SLC39A11: variants seen among roughly 807,000 people sequenced by gnomAD.
SLC39A11 encodes the protein solute carrier family 39 member 11, also known as zinc transporter ZIP11.
Under a neutral mutation model 36.1 loss-of-function variants are expected in SLC39A11, and 33 were observed. The ratio of observed to expected loss-of-function variants is 0.91; its 90% CI spans 0.69 to 1.22. SLC39A11 has a LOEUF of 1.22. Among genes scored for constraint, SLC39A11 ranks in the 50% most tolerant of loss-of-function variants. The pLI is 0.00. For missense variants in SLC39A11, 432 were observed against 430.3 expected (o/e 1.00, Z -0.03); for synonymous variants, 166 against 170.3 (o/e 0.97, Z 0.20).
intron 9 of SLC39A11, 76 bp downstream of exon 9, chr17:72,648,727 A>G: frequency 1.3e-6 from 2 of 1,565,828 alleles, no homozygotes; most frequent in Non-Finnish European, 1.7e-6. Context: ...AGGCAAATGA[A>G]GAAAGAGCAT....
rs1198234986 is a variant in SLC39A11 at position 72,732,227 on chromosome 17, C to G, written c.671+4423G>C. ...GGATGGGAGGGTTTTGTAGGCCAAG[C>G]CGGTCTTGAATTCCCGACCTCGAGG... On this transcript the variant is annotated intron_variant, in intron 7 of 9. Transcript: ENST00000255559. Among the ~76,000 whole-genome samples the G allele has an allele frequency of 2.6e-5, 4 of 151,448 alleles. No homozygotes were observed. The East Asian group carries it at 7.8e-4, about 29-fold the overall frequency.
chr17:72,784,213 C>T (rs147814781), intron 6 of SLC39A11, among the ~76,000 whole-genome samples: 141 of 152,148 alleles, frequency 9.3e-4, no homozygotes, highest in African/African-American at 3.0e-3. Context: ...GGCATGGTGG[C>T]GCATGCCTGT....
At chr17:72,738,244 T>C (rs2074519988) in intron 6 of SLC39A11, among the ~76,000 whole-genome samples, 2 of 152,184 alleles carry the variant, frequency 1.3e-5, no homozygotes, top group Admixed American at 6.5e-5. Context: ...GACCTCGTGA[T>C]CCACCCATCT....
chr17:72,699,623 A>G (rs2072508613), intron 7 of SLC39A11, among the ~76,000 whole-genome samples: 1 of 151,920 alleles, frequency 6.6e-6, no homozygotes, highest in South Asian at 2.1e-4. Flanking sequence ...AGTTTAATCC[A>G]CTCCTTGCCT....
intron 7 of SLC39A11, among the ~76,000 whole-genome samples, chr17:72,698,332 G>C (rs2072415780): frequency 6.6e-6 from 1 of 152,052 alleles, no homozygotes; most frequent in African/African-American, 2.4e-5. Context: ...ACCGTTTATT[G>C]CATTTTCAGT....
At chr17:72,729,452 TATA>T (rs2074120881) in intron 7 of SLC39A11, among the ~76,000 whole-genome samples, 2 of 10,002 alleles carry the variant, frequency 2.0e-4, no homozygotes, top group Admixed American at 1.6e-3. Context: ...TATATATATA[TATA>T]TATTTTTTTT....
rs369227943 is a variant in SLC39A11, at chr17:72,891,691, C to A, written c.431-41887G>T. On this transcript the variant is annotated intron_variant, in intron 5 of 9. Coordinates refer to ENST00000255559, the MANE Select transcript of SLC39A11 (RefSeq NM_139177.4). ...GTTTTAAACCTACTTGGCATTATTA[C>A]ACATATAGATATAGATATATATTAA... Among the ~76,000 whole-genome samples, 21 of 152,076 alleles carry A rather than the reference C, an allele frequency of 1.4e-4. No individual in the cohort carries two copies. In the East Asian group the frequency reaches 2.9e-3, roughly 21 times the overall value.
chr17:72,688,529 T>C (rs1381302126), intron 7 of SLC39A11, among the ~76,000 whole-genome samples: 1 of 152,174 alleles, frequency 6.6e-6, no homozygotes, highest in Non-Finnish European at 1.5e-5. Flanking sequence ...CTTCAGGAAG[T>C]GGAGGATGCA....
intron 7 of SLC39A11, among the ~76,000 whole-genome samples, chr17:72,651,190 C>A (rs1173157041): frequency 1.3e-5 from 2 of 152,138 alleles, no homozygotes; most frequent in Admixed American, 1.3e-4. Context: ...GTGCCCATCC[C>A]TTTTTGACAA....
At chr17:73,031,803 G>T in intron 3 of SLC39A11, 89 bp from the exon 4 acceptor site, 1 of 1,335,286 alleles carries the variant, frequency 7.5e-7, no homozygotes, top group South Asian at 1.4e-5. Context: ...GGCCCAGATT[G>T]ACCCCTACAA....
At chr17:73,069,938 A>T (rs1216582053) in intron 3 of SLC39A11, among the ~76,000 whole-genome samples, 1 of 152,204 alleles carries the variant, frequency 6.6e-6, no homozygotes, top group East Asian at 1.9e-4. Context: ...TTGCTTCACA[A>T]ATATCTTTGG....
intron 4 of SLC39A11, among the ~76,000 whole-genome samples, chr17:73,022,141 C>T (rs371118755): frequency 6.6e-6 from 1 of 152,238 alleles, no homozygotes; most frequent in Non-Finnish European, 1.5e-5. Context: ...ACAGCTAACA[C>T]ACATGGGCAT....
chr17:72,782,235 A>G (rs1328380416), intron 6 of SLC39A11, among the ~76,000 whole-genome samples: 1 of 152,186 alleles, frequency 6.6e-6, no homozygotes, highest in Non-Finnish European at 1.5e-5. Flanking sequence ...AGCCAAGAAC[A>G]CCAAGACTTG....
At chr17:72,743,316 C>T (rs1481850313) in intron 6 of SLC39A11, among the ~76,000 whole-genome samples, 2 of 152,166 alleles carry the variant, frequency 1.3e-5, no homozygotes, top group Admixed American at 6.5e-5. Flanking sequence ...GGGTAGTGAA[C>T]ACTGGCATCT....
intron 5 of SLC39A11, chr17:72,947,469 C>CA: frequency 4.2e-6 from 2 of 475,452 alleles, no homozygotes; most frequent in Non-Finnish European, 7.6e-6. Context: ...CCATCACCAT[C>CA]AGAGTGACCC....
In SLC39A11 at chr17:72,646,038, C is replaced by A. The variant is rs1389459417; in HGVS notation, c.*1546G>T. The A allele has an allele frequency of 6.5e-6, 1 of 152,754 alleles. No individual in the cohort carries two copies. Among genetic ancestry groups the A allele is most frequent in the East Asian group, 1.9e-4 (1 of 5,184 alleles). 9.5% of individuals were successfully genotyped at this position (152,754 alleles called of 1,614,324 possible). On this transcript the variant is annotated 3_prime_UTR_variant, in exon 10 of 10. Coordinates refer to ENST00000255559, the MANE Select transcript of SLC39A11 (RefSeq NM_139177.4). ...AATTTGCATTATGTAGAACTACATA[C>A]AAAGACATAAAAATAAAACATACAT...
chr17:72,665,389 GTTT>G lies in SLC39A11; in HGVS notation c.672-16124_672-16122del, dbSNP rs780329919. ...GGTTTAAGCCACCAAGTTTTGAGGT[GTTT>G]TTTTTTTTTTTTTTTTTTGAGACAG... On this transcript the variant is annotated intron_variant, in intron 7 of 9. Transcript: ENST00000255559. 1.8e-3 allele frequency among the ~76,000 whole-genome samples: 141 copies of G among 76,618 alleles called. 2 individuals are homozygous for G. Among genetic ancestry groups the G allele is most frequent in the African/African-American group, 7.1e-3 (134 of 18,816 alleles). 50.3% of individuals were successfully genotyped at this position (76,618 alleles called of 152,430 possible).
intron 6 of SLC39A11, among the ~76,000 whole-genome samples, chr17:72,769,381 G>C (rs1023551909): frequency 6.6e-6 from 1 of 152,298 alleles, no homozygotes; most frequent in Admixed American, 6.5e-5. Flanking sequence ...AAAAAGGAAG[G>C]AAATTCTGAA....
chr17:72,895,330 G>A (rs1461402249), intron 5 of SLC39A11, among the ~76,000 whole-genome samples: 2 of 152,180 alleles, frequency 1.3e-5, no homozygotes, highest in Non-Finnish European at 2.9e-5. Flanking sequence ...TGTAATCCCA[G>A]CAATTTGGGA....
Sources: allele counts gnomAD v4.1 joint callset (sites outside exome capture counted in the v4.1 genomes callset), GRCh38; gene constraint gnomAD v4.1.1; transcripts MANE v1.5; gene names NCBI Gene and HGNC (gene_info 2026-07-23, HGNC 2026-07-21).